GABRA2: variants seen among roughly 807,000 people sequenced by gnomAD.
The protein encoded by GABRA2 is gamma-aminobutyric acid type A receptor subunit alpha2, also known as gamma-aminobutyric acid receptor subunit alpha-2.
GABRA2 carries 16 observed loss-of-function variants against 48.7 expected under a neutral mutation model. The ratio of observed to expected loss-of-function variants is 0.33; its 90% CI spans 0.22 to 0.50. The LOEUF is 0.50. Ranked by LOEUF, GABRA2 falls within the 20% of genes least tolerant of loss-of-function variation. The pLI is 0.98. For synonymous variants in GABRA2, 185 were observed against 184.5 expected (o/e 1.00, Z -0.02); for missense variants, 275 against 535.6 (o/e 0.51, Z 4.80).
At chr4:46,277,539 G>A (rs1057125815) in intron 8 of GABRA2, among the ~76,000 whole-genome samples, 8 of 152,096 alleles carry the variant, frequency 5.3e-5, no homozygotes, top group East Asian at 1.9e-4. Flanking sequence ...AATTAAAACC[G>A]TCTATATCTA....
At chr4:46,277,008 G>C (rs1720633500) in intron 8 of GABRA2, among the ~76,000 whole-genome samples, 1 of 151,968 alleles carries the variant, frequency 6.6e-6, no homozygotes. Context: ...AAATTAAAAA[G>C]AAATCACCAA....
chr4:46,305,520 T>C, intron 7 of GABRA2, 48 bp downstream of exon 7: 1 of 1,559,738 alleles, frequency 6.4e-7, no homozygotes, highest in Non-Finnish European at 8.8e-7. Context: ...TCCTTTAACC[T>C]ATTAATATTC....
chr4:46,339,306 A>T (rs1732799790), intron 3 of GABRA2, among the ~76,000 whole-genome samples: 1 of 151,886 alleles, frequency 6.6e-6, no homozygotes, highest in South Asian at 2.1e-4. Flanking sequence ...ACTATACTGG[A>T]TAGAAGAGCC....
intron 8 of GABRA2, among the ~76,000 whole-genome samples, chr4:46,262,772 C>T (rs530100583): frequency 6.6e-6 from 1 of 151,922 alleles, no homozygotes; most frequent in African/African-American, 2.4e-5. Context: ...GTGGCAGGTG[C>T]CTGTAATCCC....
chr4:46,275,687 C>T (rs1246339675), intron 8 of GABRA2, among the ~76,000 whole-genome samples: 1 of 152,118 alleles, frequency 6.6e-6, no homozygotes, highest in East Asian at 1.9e-4. Flanking sequence ...CTATTTCACT[C>T]TTGTAAGTTT....
intron 8 of GABRA2, among the ~76,000 whole-genome samples, chr4:46,277,485 C>T (rs553701528): frequency 6.6e-6 from 1 of 152,268 alleles, no homozygotes; most frequent in East Asian, 1.9e-4. Context: ...CCTACTACCA[C>T]CCAGGCATTC....
At chr4:46,276,475 A>G (rs1476428147) in intron 8 of GABRA2, among the ~76,000 whole-genome samples, 2 of 152,118 alleles carry the variant, frequency 1.3e-5, no homozygotes, top group Non-Finnish European at 2.9e-5. Flanking sequence ...AGCTGCTGAC[A>G]GATAACAGTT....
intron 4 of GABRA2, among the ~76,000 whole-genome samples, chr4:46,328,834 A>G (rs1331086772): frequency 2.0e-5 from 3 of 152,022 alleles, no homozygotes; most frequent in Non-Finnish European, 4.4e-5. Context: ...CATAAATTCA[A>G]ACTTTGCCTC....
At chr4:46,378,543 C>T (rs1354021874) in intron 3 of GABRA2, among the ~76,000 whole-genome samples, 1 of 151,734 alleles carries the variant, frequency 6.6e-6, no homozygotes, top group Non-Finnish European at 1.5e-5. Context: ...GGGTCCTCTG[C>T]CTAGGAAAAC....
At chr4:46,337,268 T>C (rs1304506837) in intron 3 of GABRA2, among the ~76,000 whole-genome samples, 5 of 152,092 alleles carry the variant, frequency 3.3e-5, no homozygotes, top group African/African-American at 1.2e-4. Flanking sequence ...TTTGTAATTT[T>C]CAATGGTCCT....
intron 3 of GABRA2, among the ~76,000 whole-genome samples, chr4:46,339,580 T>C (rs923370061): frequency 1.3e-5 from 2 of 151,858 alleles, no homozygotes; most frequent in African/African-American, 2.4e-5. Flanking sequence ...AGAGATACTA[T>C]GCAAAAAATC....
At chr4:46,311,115 C>A (rs1243194078) in intron 5 of GABRA2, among the ~76,000 whole-genome samples, 1 of 152,104 alleles carries the variant, frequency 6.6e-6, no homozygotes, top group African/African-American at 2.4e-5. Context: ...TTTATTTAAA[C>A]CCTAAAGTTT....
intron 3 of GABRA2, among the ~76,000 whole-genome samples, chr4:46,377,869 C>T (rs1429044455): frequency 6.6e-6 from 1 of 150,502 alleles, no homozygotes; most frequent in Non-Finnish European, 1.5e-5. Flanking sequence ...GGGGGGTCAG[C>T]CCCCCGCCCA....
In GABRA2 at chr4:46,247,908, G is replaced by T. The variant is rs1163129532; in HGVS notation, c.*2400C>A. The stretch of plus-strand genomic sequence containing the variant: ...CATCAAAGTTTAAAGAAATAACAAA[G>T]AATTCTGATCCCTAGCACTGAAAAA... On this transcript the variant is annotated 3_prime_UTR_variant, in exon 10 of 10. Coordinates refer to ENST00000381620, the MANE Select transcript of GABRA2 (RefSeq NM_000807.4). 6.6e-6 allele frequency among the ~76,000 whole-genome samples: 1 copy of T among 151,144 alleles called. No individual in the cohort carries two copies. Among genetic ancestry groups the T allele is most frequent in the East Asian group, 2.0e-4 (1 of 5,120 alleles).
At chr4:46,363,995 G>A (rs1377413685) in intron 3 of GABRA2, 6 of 152,030 alleles carry the variant, frequency 3.9e-5, no homozygotes, top group South Asian at 2.1e-4. Flanking sequence ...TTTCTCTTGC[G>A]GAAGACTCAG....
At chr4:46,325,065 A>G (rs929319175) in intron 4 of GABRA2, among the ~76,000 whole-genome samples, 1 of 151,928 alleles carries the variant, frequency 6.6e-6, no homozygotes, top group African/African-American at 2.4e-5. Context: ...AACAATCTAT[A>G]TTCTACTAAA....
intron 8 of GABRA2, among the ~76,000 whole-genome samples, chr4:46,286,373 A>T (rs141503530): frequency 2.9e-3 from 444 of 152,152 alleles, no homozygotes; most frequent in African/African-American, 0.01. Context: ...GATTGTTTCC[A>T]CCTTTTGACC....
chr4:46,295,766 G>T (rs931053949), intron 8 of GABRA2, among the ~76,000 whole-genome samples: 3 of 152,170 alleles, frequency 2.0e-5, no homozygotes, highest in Non-Finnish European at 4.4e-5. Flanking sequence ...TGATTTTAAT[G>T]GACCTCTTCC....
intron 9 of GABRA2, among the ~76,000 whole-genome samples, chr4:46,254,887 C>G (rs142101545): frequency 1.3e-5 from 2 of 151,618 alleles, no homozygotes; most frequent in East Asian, 3.9e-4. Context: ...CTTGTACCCC[C>G]TAATCTGTGA....
Sources: gnomAD v4.1 joint callset for allele counts (sites outside exome capture counted in the v4.1 genomes callset) on GRCh38, gnomAD v4.1.1 for gene constraint, MANE v1.5 for transcripts, NCBI Gene and HGNC (gene_info 2026-07-23, HGNC 2026-07-21) for gene names.